The following DYRK1A variants were observed in gnomAD, a reference collection of about 807,000 sequenced individuals.
DYRK1A encodes dual specificity tyrosine phosphorylation regulated kinase 1A, also known as dual specificity tyrosine-phosphorylation-regulated kinase 1A.
A neutral mutation model predicts 79.7 loss-of-function variants in DYRK1A; 9 were observed. The observed-to-expected ratio is 0.11, with a 90% CI of 0.07 to 0.20. DYRK1A has a LOEUF of 0.20. Ranked by LOEUF, DYRK1A falls within the 10% of genes least tolerant of loss-of-function variation. The pLI, the probability that DYRK1A is intolerant of heterozygous loss-of-function variation, is 1.00. For missense variants in DYRK1A, 622 were observed against 956.0 expected, an observed-to-expected ratio of 0.65 and a Z score of 4.61; for synonymous variants, 349 against 329.7, an observed-to-expected ratio of 1.06 and a Z score of -0.63.
rs143301541 is a variant in DYRK1A at position 37,408,244 on chromosome 21, T to A, written c.-76-12055T>A. Among the ~76,000 whole-genome samples the A allele has an allele frequency of 2.5e-3, 379 of 152,340 alleles. 1 individual carries two copies. Among genetic ancestry groups the A allele is most frequent in the Non-Finnish European group, 4.8e-3 (325 of 68,036 alleles). Reference sequence around the variant, plus strand: ...TAGTTAGCTGCTTTTGTCCAGTAGCTCACTTATTTTGTGGTTTGAAGATGA... The same window carrying A: ...TAGTTAGCTGCTTTTGTCCAGTAGCACACTTATTTTGTGGTTTGAAGATGA... On this transcript the variant is annotated intron_variant, in intron 1 of 11. Coordinates refer to ENST00000647188, the MANE Select transcript of DYRK1A (RefSeq NM_001347721.2).
chr21:37,500,027 C>T (rs944502074), intron 9 of DYRK1A, among the ~76,000 whole-genome samples: 4 of 152,152 alleles, frequency 2.6e-5, no homozygotes, highest in East Asian at 1.9e-4. Context: ...GTGTGGATTT[C>T]AGCATATTTG....
chr21:37,477,455 C>T (rs1312504923), intron 3 of DYRK1A, among the ~76,000 whole-genome samples: 1 of 152,168 alleles, frequency 6.6e-6, no homozygotes, highest in Non-Finnish European at 1.5e-5. Flanking sequence ...CACAGCACTC[C>T]TGGGGTGTGT....
chr21:37,517,456 G>A lies in DYRK1A; in HGVS notation c.*4925G>A, dbSNP rs2053892588. The stretch of plus-strand genomic sequence containing the variant: ...TTAAATTTCTAAAATTGCTACTTTG[G>A]GAATTTTTTTCTTTATTCTTGTAAA... On this transcript the variant is annotated 3_prime_UTR_variant, in exon 12 of 12. Coordinates refer to ENST00000647188, the MANE Select transcript of DYRK1A (RefSeq NM_001347721.2). 1 of 152,088 alleles carries A rather than the reference G, an allele frequency of 6.6e-6. No homozygotes were observed. Among genetic ancestry groups the A allele is most frequent in the Non-Finnish European group, 1.5e-5 (1 of 68,018 alleles). 9.4% of individuals were successfully genotyped at this position (152,088 alleles called of 1,614,324 possible). A position where few individuals can be genotyped will look rare whatever the true frequency, so the allele number is the denominator to read the frequency against.
chr21:37,425,666 T>A (rs1246923553), intron 2 of DYRK1A: 1 of 152,186 alleles, frequency 6.6e-6, no homozygotes, highest in South Asian at 2.1e-4. Context: ...AACATAGTTT[T>A]AAAATTTTCC....
At chr21:37,434,352 C>G (rs2050862521) in intron 2 of DYRK1A, among the ~76,000 whole-genome samples, 1 of 152,132 alleles carries the variant, frequency 6.6e-6, no homozygotes, top group Admixed American at 6.6e-5. Flanking sequence ...ACAAGTTGAT[C>G]TATTTTAAAA....
chr21:37,471,135 C>G (rs932081719), intron 2 of DYRK1A, among the ~76,000 whole-genome samples: 1 of 152,054 alleles, frequency 6.6e-6, no homozygotes, highest in African/African-American at 2.4e-5. Flanking sequence ...TTGAGTAGAT[C>G]CAGAATTGAA....
intron 3 of DYRK1A, 29 bp downstream of exon 3, chr21:37,472,909 A>C: frequency 7.0e-7 from 1 of 1,432,016 alleles, no homozygotes. Flanking sequence ...AGAAATGACT[A>C]TTGGAATGGC....
chr21:37,415,705 G>A (rs772541902), intron 1 of DYRK1A: 6 of 152,026 alleles, frequency 3.9e-5, no homozygotes, highest in African/African-American at 7.3e-5. Flanking sequence ...GGTCTCAAGC[G>A]ATCTACCTCC....
rs1031103028 is a variant in DYRK1A at position 37,481,917 on chromosome 21, A to G, written c.489+1091A>G. Among the ~76,000 whole-genome samples, 3 of 152,136 alleles carry G rather than the reference A, an allele frequency of 2.0e-5. No homozygotes were observed. In the East Asian group the frequency reaches 5.8e-4, roughly 29 times the overall value. On this transcript the variant is annotated intron_variant, in intron 5 of 11. Coordinates refer to ENST00000647188, the MANE Select transcript of DYRK1A (RefSeq NM_001347721.2). ...GCTGTTCCCAGTTGTAAGTCCTTCTATCACATTGAGTCACAGAGCTGTGTT... is the reference window on the plus strand; with the variant it reads ...GCTGTTCCCAGTTGTAAGTCCTTCTGTCACATTGAGTCACAGAGCTGTGTT...
At position 37,511,956 on chromosome 21, in the gene DYRK1A, GCTCC is replaced by G; in HGVS notation, c.1691_1694del (p.Ala564ValfsTer18). The G allele has an allele frequency of 6.2e-7, 1 of 1,614,086 alleles. No homozygotes were observed. Among genetic ancestry groups the G allele is most frequent in the Non-Finnish European group, 8.5e-7 (1 of 1,180,000 alleles). On this transcript the variant is annotated frameshift_variant, in exon 12 of 12. Transcript: ENST00000647188. LOFTEE classifies it high-confidence loss of function. ...TCCTCTTGGTTGGTCAGGCACTGAA[GCTCC>G]TACACAGGTCACTGTTGAAACTCAT... is the stretch of plus-strand genomic sequence containing the variant.
chr21:37,467,871 T>C (rs1403232720), intron 2 of DYRK1A, among the ~76,000 whole-genome samples: 1 of 152,014 alleles, frequency 6.6e-6, no homozygotes, highest in East Asian at 1.9e-4. Context: ...GCAAGTAGAA[T>C]AAGGCAAGGG....
intron 8 of DYRK1A, among the ~76,000 whole-genome samples, chr21:37,494,565 G>A (rs146730125): frequency 2.6e-5 from 4 of 151,802 alleles, no homozygotes; most frequent in East Asian, 1.9e-4. Flanking sequence ...TCACATTCTC[G>A]GTGAAACCAT....
At chr21:37,429,940 G>A (rs992697010) in intron 2 of DYRK1A, among the ~76,000 whole-genome samples, 54 of 152,244 alleles carry the variant, frequency 3.5e-4, no homozygotes, top group African/African-American at 1.1e-3. Context: ...GTTTGTAGCT[G>A]TGTTTTAGTA....
intron 11 of DYRK1A, chr21:37,506,456 GT>G: frequency 3.9e-6 from 5 of 1,296,740 alleles, no homozygotes; most frequent in Middle Eastern, 2.7e-4. Flanking sequence ...GTTTTGAACA[GT>G]TTTTTTCCTG....
At chr21:37,412,374 G>A (rs1020269136) in intron 1 of DYRK1A, among the ~76,000 whole-genome samples, 5 of 152,138 alleles carry the variant, frequency 3.3e-5, no homozygotes, top group African/African-American at 9.7e-5. Context: ...TTAGGGCAGC[G>A]GATACAGCTT....
intron 1 of DYRK1A, among the ~76,000 whole-genome samples, chr21:37,370,770 TTTTGGTGA>T (rs1218259293): frequency 6.6e-6 from 1 of 152,182 alleles, no homozygotes; most frequent in African/African-American, 2.4e-5. Flanking sequence ...CTGTTGAGTG[TTTTGGTGA>T]TTTTACCTCC....
At chr21:37,426,681 C>A (rs868357236) in intron 2 of DYRK1A, among the ~76,000 whole-genome samples, 1 of 150,464 alleles carries the variant, frequency 6.6e-6, no homozygotes, top group East Asian at 2.0e-4. Context: ...GAGGCCGAGG[C>A]GGGCAGATCA....
chr21:37,504,230 T>G (rs1381049408), intron 9 of DYRK1A: 2 of 152,420 alleles, frequency 1.3e-5, no homozygotes, highest in Non-Finnish European at 2.9e-5. Flanking sequence ...CTCTATACAT[T>G]ACTGCCCAGT....
At chr21:37,376,463 C>G (rs544204529) in intron 1 of DYRK1A, among the ~76,000 whole-genome samples, 1 of 152,014 alleles carries the variant, frequency 6.6e-6, no homozygotes, top group African/African-American at 2.4e-5. Flanking sequence ...GGGCTGAGAT[C>G]GTGCCACTGC....
Sources: allele counts gnomAD v4.1 joint callset (sites outside exome capture counted in the v4.1 genomes callset), GRCh38; gene constraint gnomAD v4.1.1; transcripts MANE v1.5; gene names NCBI Gene and HGNC (gene_info 2026-07-23, HGNC 2026-07-21).